The following CSMD1 variants were observed in gnomAD, a reference collection of about 807,000 sequenced individuals.
CSMD1 encodes the protein CUB and Sushi multiple domains 1.
In CSMD1, 213 loss-of-function variants were observed where a neutral mutation model predicts 417.5. The observed-to-expected ratio is 0.51, with a 90% confidence interval of 0.46 to 0.57. The LOEUF (loss-of-function observed/expected upper bound fraction) is 0.57, where lower values mean the gene tolerates loss of function less well. Among genes scored for constraint, CSMD1 ranks in the 20% least tolerant of loss-of-function variants. The probability of loss-of-function intolerance (pLI) is 0.00; values close to 1 mark genes in which losing one functional copy is unlikely to be tolerated. For synonymous variants in CSMD1, 2,862 were observed against 1,736.8 expected (o/e 1.65, Z -16.11); for missense variants, 6,923 against 4,529.7 (o/e 1.53, Z -15.17).
chr8:4,253,777 A>G (rs1803248137), intron 3 of CSMD1, among the ~76,000 whole-genome samples: 1 of 152,000 alleles, frequency 6.6e-6, no homozygotes, highest in Non-Finnish European at 1.5e-5. Context: ...ACAGCTGATG[A>G]AAATTTTGCC....
At chr8:3,438,515 G>C (rs112519076) in intron 12 of CSMD1, among the ~76,000 whole-genome samples, 1 of 152,116 alleles carries the variant, frequency 6.6e-6, no homozygotes, top group African/African-American at 2.4e-5. Flanking sequence ...GACCTTCTGG[G>C]ATTGACTTTT....
intron 1 of CSMD1, among the ~76,000 whole-genome samples, chr8:4,950,729 C>T (rs979022983): frequency 2.0e-5 from 3 of 152,202 alleles, no homozygotes; most frequent in South Asian, 2.1e-4. Context: ...TTGAATACCA[C>T]GCACTTTCAA....
intron 3 of CSMD1, among the ~76,000 whole-genome samples, chr8:4,198,084 G>T (rs771837066): frequency 6.6e-6 from 1 of 152,238 alleles, no homozygotes; most frequent in African/African-American, 2.4e-5. Flanking sequence ...AGCGAGGGAA[G>T]TCTGGGAGTC....
chr8:2,959,733 A>C, intron 62 of CSMD1, among the ~76,000 whole-genome samples: 1 of 152,216 alleles, frequency 6.6e-6, no homozygotes, highest in East Asian at 1.9e-4. Flanking sequence ...ACTTTGTGTA[A>C]GTAAGGTTTC....
chr8:2,961,710 C>A (rs1181568254), intron 61 of CSMD1, among the ~76,000 whole-genome samples: 1 of 152,156 alleles, frequency 6.6e-6, no homozygotes. Flanking sequence ...TCAAAAAACA[C>A]AGGACTTGGG....
chr8:4,515,940 T>C (rs1202948271), intron 2 of CSMD1, among the ~76,000 whole-genome samples: 1 of 152,188 alleles, frequency 6.6e-6, no homozygotes, highest in East Asian at 1.9e-4. Context: ...ATTTAGAGCC[T>C]GCCTGCTTTG....
intron 33 of CSMD1, among the ~76,000 whole-genome samples, chr8:3,191,108 G>C (rs887311857): frequency 2.6e-5 from 4 of 152,184 alleles, no homozygotes; most frequent in African/African-American, 7.2e-5. Context: ...TGCTCCACGT[G>C]CCATCATGTT....
At chr8:4,390,631 A>G (rs1803786636) in intron 3 of CSMD1, among the ~76,000 whole-genome samples, 1 of 151,926 alleles carries the variant, frequency 6.6e-6, no homozygotes, top group Non-Finnish European at 1.5e-5. Flanking sequence ...CTCCTGCCTC[A>G]GCCTCCCAAG....
chr8:4,885,772 G>A (rs1803696694), intron 1 of CSMD1, among the ~76,000 whole-genome samples: 1 of 151,536 alleles, frequency 6.6e-6, no homozygotes, highest in African/African-American at 2.4e-5. Context: ...CTTTCCTGAT[G>A]GTTTCCTTTC....
At chr8:3,494,775 C>G (rs537986279) in intron 10 of CSMD1, among the ~76,000 whole-genome samples, 1 of 152,116 alleles carries the variant, frequency 6.6e-6, no homozygotes, top group Non-Finnish European at 1.5e-5. Flanking sequence ...ACAGGAGGAA[C>G]AGAAACCATA....
intron 2 of CSMD1, among the ~76,000 whole-genome samples, chr8:4,547,517 T>C (rs1314043775): frequency 6.6e-6 from 1 of 152,316 alleles, no homozygotes; most frequent in African/African-American, 2.4e-5. Flanking sequence ...CAGGTCCCTA[T>C]GCACACTCTG....
intron 10 of CSMD1, among the ~76,000 whole-genome samples, chr8:3,541,155 T>C (rs1247372058): frequency 2.0e-5 from 3 of 152,024 alleles, no homozygotes; most frequent in African/African-American, 7.2e-5. Context: ...ACAGACTGGA[T>C]AAAGAAAATG....
chr8:3,089,511 C>T (rs983235399), intron 48 of CSMD1, among the ~76,000 whole-genome samples: 3 of 152,138 alleles, frequency 2.0e-5, no homozygotes, highest in Admixed American at 6.5e-5. Context: ...CAAGAGTTTA[C>T]GTGCATAGGG....
intron 32 of CSMD1, among the ~76,000 whole-genome samples, chr8:3,201,233 AC>A (rs1266583513): frequency 6.6e-6 from 1 of 152,204 alleles, no homozygotes; most frequent in Non-Finnish European, 1.5e-5. Context: ...TGTAGGACTT[AC>A]AGGCTTAGAA....
intron 26 of CSMD1, among the ~76,000 whole-genome samples, chr8:3,252,401 A>G (rs2117038762): frequency 6.6e-6 from 1 of 152,336 alleles, no homozygotes; most frequent in South Asian, 2.1e-4. Flanking sequence ...CTTGCATCCC[A>G]GGGATGAAGC....
intron 48 of CSMD1, among the ~76,000 whole-genome samples, chr8:3,090,958 G>A (rs1337793836): frequency 1.3e-5 from 2 of 151,952 alleles, no homozygotes; most frequent in African/African-American, 4.8e-5. Context: ...ATCACTGCTG[G>A]CAGAGAATGA....
chr8:4,666,193 C>G (rs1224646716), intron 1 of CSMD1, among the ~76,000 whole-genome samples: 2 of 152,028 alleles, frequency 1.3e-5, no homozygotes, highest in Admixed American at 6.6e-5. Context: ...ATGTCTAAGT[C>G]CTACTTCCTG....
chr8:3,538,757 C>G (rs946548838), intron 10 of CSMD1, among the ~76,000 whole-genome samples: 1 of 152,228 alleles, frequency 6.6e-6, no homozygotes, highest in Non-Finnish European at 1.5e-5. Flanking sequence ...TCACACAGCT[C>G]TACATGTATC....
intron 3 of CSMD1, among the ~76,000 whole-genome samples, chr8:4,102,985 TA>T (rs1421673425): frequency 2.0e-5 from 3 of 152,234 alleles, no homozygotes; most frequent in African/African-American, 7.2e-5. Context: ...AGCCAGCAAA[TA>T]AAAATATTTG....
Sources: allele counts gnomAD v4.1 joint callset (sites outside exome capture counted in the v4.1 genomes callset), GRCh38; gene constraint gnomAD v4.1.1; transcripts MANE v1.5; gene names NCBI Gene and HGNC (gene_info 2026-07-23, HGNC 2026-07-21).